BDP1: variants seen among roughly 807,000 people sequenced by gnomAD.
The protein encoded by BDP1 is BDP1 general transcription factor IIIB subunit.
BDP1 carries 169 observed loss-of-function variants against 266.6 expected under a neutral mutation model. That is an observed-to-expected ratio of 0.63 (90% CI 0.56 to 0.72). The LOEUF is 0.72. Ranked by LOEUF, BDP1 falls within the 30% of genes least tolerant of loss-of-function variation. The pLI is 0.00. For synonymous variants in BDP1, 1,090 were observed against 1,022.4 expected, an observed-to-expected ratio of 1.07 and a Z score of -1.26; for missense variants, 3,015 against 3,053.8, an observed-to-expected ratio of 0.99 and a Z score of 0.30.
At chr5:71,532,453 G>A (rs528775200) in intron 26 of BDP1, 26 bp downstream of exon 26, 14 of 1,605,306 alleles carry the variant, frequency 8.7e-6, no homozygotes, top group South Asian at 2.2e-5. Flanking sequence ...AATATGTTTT[G>A]GCCTTTTATT....
chr5:71,505,738 G>A (rs962002183), intron 16 of BDP1, among the ~76,000 whole-genome samples: 5 of 152,104 alleles, frequency 3.3e-5, no homozygotes, highest in Non-Finnish European at 7.4e-5. Context: ...GGTGGCTCAT[G>A]CCTATCTAGC....
At chr5:71,538,850 A>C (rs372879460) in intron 26 of BDP1, among the ~76,000 whole-genome samples, 192 bp from the exon 27 acceptor site, 27 of 152,336 alleles carry the variant, frequency 1.8e-4, no homozygotes, top group African/African-American at 6.5e-4. Context: ...AGCAAGAGAC[A>C]CAAGAATTTT....
At chr5:71,461,676 C>A in intron 2 of BDP1, 141 bp from the exon 3 acceptor site, 1 of 537,986 alleles carries the variant, frequency 1.9e-6, no homozygotes, top group Non-Finnish European at 3.4e-6. Flanking sequence ...TTTAATATTC[C>A]ATCTACAAAA....
intron 9 of BDP1, among the ~76,000 whole-genome samples, chr5:71,488,334 G>C (rs1763389125): frequency 6.6e-6 from 1 of 151,700 alleles, no homozygotes; most frequent in African/African-American, 2.4e-5. Flanking sequence ...TATCATATTG[G>C]CCAGACTGGT....
intron 25 of BDP1, 26 bp from the exon 26 acceptor site, chr5:71,532,282 G>C: frequency 6.2e-7 from 1 of 1,607,540 alleles, no homozygotes; most frequent in African/African-American, 1.3e-5. Context: ...ATGCCAAAAT[G>C]AAATGATAAA....
intron 33 of BDP1, 110 bp downstream of exon 33, chr5:71,548,855 T>A: frequency 2.5e-6 from 2 of 791,614 alleles, no homozygotes; most frequent in Middle Eastern, 2.9e-4. Flanking sequence ...TATGCTGGCC[T>A]TAAATTTAAA....
rs201776089 is a variant in BDP1 at position 71,510,993 on chromosome 5, A to G, written c.3901A>G (p.Thr1301Ala). The part of the protein sequence containing the change: ...RERGSEEICV[T>A]EEKVAELKQT... ...GAGAGGATCTGAAGAGATCTGTGTTACTGAGGAAAAGGTGGCAGAATTGAA... is the reference window on the plus strand; with the variant it reads ...GAGAGGATCTGAAGAGATCTGTGTTGCTGAGGAAAAGGTGGCAGAATTGAA... The change falls in exon 17 of 39, where the codon ACT becomes GCT. Residue 1301 changes from threonine (T) to alanine (A), a missense_variant. By Grantham distance (58) the Thr-to-Ala change is moderately conservative. Coordinates refer to ENST00000358731, the MANE Select transcript of BDP1 (RefSeq NM_018429.3). 4.3e-5 allele frequency: 69 copies of G among 1,614,112 alleles called. No homozygotes were observed. In the East Asian group the frequency reaches 1.4e-3, roughly 33 times the overall value.
At chr5:71,491,245 T>C in intron 11 of BDP1, 114 bp downstream of exon 11, 1 of 980,118 alleles carries the variant, frequency 1.0e-6, no homozygotes, top group South Asian at 1.7e-5. Context: ...CAGTTCTATT[T>C]GTTTTTGCTC....
intron 25 of BDP1, among the ~76,000 whole-genome samples, chr5:71,524,625 A>G (rs1461301560): frequency 7.1e-6 from 1 of 141,618 alleles, no homozygotes; most frequent in Non-Finnish European, 1.5e-5. Context: ...TTTATTTTTT[A>G]TTTATTTATT....
At chr5:71,513,606 C>T (rs1285934459) in intron 19 of BDP1, among the ~76,000 whole-genome samples, 199 bp downstream of exon 19, 1 of 152,066 alleles carries the variant, frequency 6.6e-6, no homozygotes, top group East Asian at 1.9e-4. Flanking sequence ...TGATAATGGG[C>T]AAACGTGTTG....
intron 7 of BDP1, among the ~76,000 whole-genome samples, chr5:71,481,396 A>G (rs1200826145): frequency 6.8e-6 from 1 of 146,464 alleles, no homozygotes; most frequent in African/African-American, 2.5e-5. Context: ...ACAAAGAAAA[A>G]AAAAAAAAAA....
intron 35 of BDP1, 93 bp from the exon 36 acceptor site, chr5:71,556,793 T>TA: frequency 1.7e-6 from 1 of 598,880 alleles, no homozygotes; most frequent in Non-Finnish European, 2.8e-6. Flanking sequence ...GGAGATAACA[T>TA]AGTTTCTTTA....
At chr5:71,504,330 A>G (rs1764443211) in intron 15 of BDP1, among the ~76,000 whole-genome samples, 1 of 152,134 alleles carries the variant, frequency 6.6e-6, no homozygotes, top group Admixed American at 6.5e-5. Context: ...TATAGTAATC[A>G]AAAGAATTCA....
At chr5:71,554,659 T>A (rs1193183826) in intron 35 of BDP1, among the ~76,000 whole-genome samples, 1 of 152,212 alleles carries the variant, frequency 6.6e-6, no homozygotes, top group Admixed American at 6.5e-5. Context: ...ATACGCCATT[T>A]AAAAAATGGT....
chr5:71,523,643 T>C (rs1424029164), intron 24 of BDP1, among the ~76,000 whole-genome samples: 7 of 152,214 alleles, frequency 4.6e-5, no homozygotes, highest in Non-Finnish European at 8.8e-5. Flanking sequence ...CTTTTTCTTC[T>C]AATAATTTTC....
intron 15 of BDP1, among the ~76,000 whole-genome samples, chr5:71,504,218 A>T (rs1439998736): frequency 6.6e-6 from 1 of 150,800 alleles, no homozygotes; most frequent in African/African-American, 2.4e-5. Flanking sequence ...GCTTGCAGTG[A>T]GCCGAGATCA....
At chr5:71,554,487 T>C (rs1561786691) in intron 35 of BDP1, among the ~76,000 whole-genome samples, 1 of 152,230 alleles carries the variant, frequency 6.6e-6, no homozygotes, top group Non-Finnish European at 1.5e-5. Flanking sequence ...TATTAAAAGA[T>C]AGACTAGGTA....
intron 16 of BDP1, among the ~76,000 whole-genome samples, chr5:71,509,078 T>G (rs1278144494): frequency 6.6e-6 from 1 of 152,202 alleles, no homozygotes; most frequent in Non-Finnish European, 1.5e-5. Flanking sequence ...ACCATTTGTC[T>G]GTATAAAAGA....
Position 71,553,387 on chromosome 5 carries a change from G to T in BDP1, c.7200+67G>T, listed in dbSNP as rs1021745272. On this transcript the variant is annotated intron_variant, in intron 35 of 38. Transcript: ENST00000358731. ...AAGATGGCCATATTGCAACAGATCT[G>T]TTCCTATTTTTTCCTTTATTCTCTT... 10 of 1,101,652 alleles carry T rather than the reference G, an allele frequency of 9.1e-6. No homozygotes were observed. The African/African-American group carries it at 1.6e-4, about 17-fold the overall frequency. 68.2% of individuals were successfully genotyped at this position (1,101,652 alleles called of 1,614,324 possible). A position where few individuals can be genotyped will look rare whatever the true frequency, so the allele number is the denominator to read the frequency against.
Sources: allele counts gnomAD v4.1 joint callset (sites outside exome capture counted in the v4.1 genomes callset), GRCh38; gene constraint gnomAD v4.1.1; transcripts MANE v1.5; gene names NCBI Gene and HGNC (gene_info 2026-07-23, HGNC 2026-07-21).